Variants in CD33 observed in about 807,000 individuals in gnomAD.
CD33 encodes CD33 molecule, also known as myeloid cell surface antigen CD33.
Under a neutral mutation model 31.4 loss-of-function variants are expected in CD33, and 25 were observed. That is an observed-to-expected ratio of 0.80 (90% CI 0.58 to 1.11). The LOEUF is 1.11. Among genes scored for constraint, CD33 ranks in the 50% most tolerant of loss-of-function variants. The pLI, the probability that CD33 is intolerant of heterozygous loss-of-function variation, is 0.00. For synonymous variants in CD33, 176 were observed against 180.6 expected, an observed-to-expected ratio of 0.97 and a Z score of 0.20; for missense variants, 407 against 448.1, an observed-to-expected ratio of 0.91 and a Z score of 0.83.
intron 5 of CD33, 51 bp downstream of exon 5, chr19:51,235,304 C>A: frequency 6.5e-7 from 1 of 1,543,632 alleles, no homozygotes; most frequent in East Asian, 2.2e-5. Context: ...GAGGATGGAC[C>A]TGGTGTAGAA....
At chr19:51,216,567 G>GCTGTAATAATTTACCTTCC in the CD33 span, among the ~76,000 whole-genome samples, 1 of 151,928 alleles carries the variant, frequency 6.6e-6, no homozygotes, top group African/African-American at 2.4e-5. Flanking sequence ...AATTAGGTGG[G>GCTGTAATAATTTACCTTCC]CATGGTGGCA....
upstream of CD33, among the ~76,000 whole-genome samples, chr19:51,221,198 T>C (rs1006650215): frequency 2.0e-5 from 3 of 152,234 alleles, no homozygotes; most frequent in Non-Finnish European, 2.9e-5. Flanking sequence ...CCTGCAGAAC[T>C]GTGAGCCAAA....
rs1980926876 is a variant in CD33, at chr19:51,225,439, C to A, written c.259C>A (p.Gln87Lys). Reference sequence around the variant, plus strand: ...AGATCAAGAAGTACAGGAGGAGACTCAGGGCAGATTCCGCCTCCTTGGGGA... The same window carrying A: ...AGATCAAGAAGTACAGGAGGAGACTAAGGGCAGATTCCGCCTCCTTGGGGA... ...KLDQEVQEETQGRFRLLGDPS... is the reference protein window; with the variant it reads ...KLDQEVQEETKGRFRLLGDPS... Residue 87 changes from glutamine to lysine, a missense_variant, in exon 2 of 7, where the codon CAG (glutamine) becomes AAG (lysine). Transcript: ENST00000262262. The A allele has an allele frequency of 6.2e-7, 1 of 1,614,166 alleles. No individual in the cohort carries two copies. Among genetic ancestry groups the A allele is most frequent in the African/African-American group, 1.3e-5 (1 of 75,054 alleles).
At chr19:51,211,665 G>A in the CD33 span, 1 of 1,092,040 alleles carries the variant, frequency 9.2e-7, no homozygotes, top group Non-Finnish European at 1.3e-6. Flanking sequence ...TGGGACCCAT[G>A]TCCTGGAAGG....
chr19:51,212,762 C>T, the CD33 span, among the ~76,000 whole-genome samples: 3 of 152,152 alleles, frequency 2.0e-5, no homozygotes, highest in East Asian at 5.8e-4. Context: ...CTTAGATGCC[C>T]GTCCTCCTCC....
At chr19:51,219,461 A>T in the CD33 span, among the ~76,000 whole-genome samples, 1 of 152,184 alleles carries the variant, frequency 6.6e-6, no homozygotes, top group Non-Finnish European at 1.5e-5. Flanking sequence ...TCCTATCATC[A>T]GCAAACAGAG....
intron 4 of CD33, among the ~76,000 whole-genome samples, chr19:51,231,365 G>A (rs541583949): frequency 1.3e-5 from 2 of 152,304 alleles, no homozygotes; most frequent in East Asian, 1.9e-4. Context: ...CTTTGACTCC[G>A]CTGGACTTCG....
intron 4 of CD33, among the ~76,000 whole-genome samples, chr19:51,227,391 A>G (rs1375291154): frequency 2.0e-5 from 3 of 151,974 alleles, no homozygotes; most frequent in Non-Finnish European, 4.4e-5. Context: ...GTTAATTTTC[A>G]TCTTTTTTTT....
chr19:51,238,403 T>C (rs974724862), intron 6 of CD33: 1 of 152,086 alleles, frequency 6.6e-6, no homozygotes, highest in Non-Finnish European at 1.5e-5. Context: ...AATCGATGAA[T>C]CTACAAAGAA....
At chr19:51,213,143 G>C in the CD33 span, among the ~76,000 whole-genome samples, 6 of 152,304 alleles carry the variant, frequency 3.9e-5, no homozygotes, top group South Asian at 4.1e-4. Context: ...CCAAAAGTAA[G>C]GGGTCAAGGT....
chr19:51,229,484 T>G (rs1036512359), intron 4 of CD33, among the ~76,000 whole-genome samples: 5 of 152,150 alleles, frequency 3.3e-5, no homozygotes, highest in Non-Finnish European at 5.9e-5. Context: ...TTTTTTTCTT[T>G]AAAGGTTCAG....
Position 51,235,113 on chromosome 19 carries a change from G to A in CD33, c.746-44G>A, listed in dbSNP as rs2123295255. ...GCTGGAGAGGAGGATACACATACCT[G>A]TTTATCTAGATTAGAATTCACCCCA... On this transcript the variant is annotated intron_variant, in intron 4 of 6. Transcript: ENST00000262262. 3.3e-6 allele frequency: 5 copies of A among 1,521,094 alleles called. No homozygotes were observed. In the East Asian group the frequency reaches 1.1e-4, roughly 34 times the overall value. 94.2% of individuals were successfully genotyped at this position (1,521,094 alleles called of 1,614,324 possible).
the CD33 span, chr19:51,211,639 A>C: frequency 3.8e-6 from 5 of 1,306,416 alleles, no homozygotes; most frequent in Admixed American, 9.2e-5. Context: ...AAGGGACCTC[A>C]GGACAGGGCT....
At position 51,239,608 on chromosome 19, in the gene CD33, C is replaced by G; in HGVS notation, c.1015C>G (p.His339Asp). 7 of 1,613,866 alleles carry G rather than the reference C, an allele frequency of 4.3e-6. No homozygotes were observed. The highest frequency in any genetic ancestry group is 5.1e-6 in the Non-Finnish European group (6 of 1,179,886). ...TACTGTGGAGATGGATGAGGAGCTG[C>G]ATTATGCTTCCCTCAACTTTCATGG... ...APTVEMDEEL[H>D]YASLNFHGMN... The change falls in exon 7 of 7, where the codon CAT becomes GAT. Residue 339 changes from histidine to aspartate, a missense_variant. Coordinates refer to ENST00000262262, the MANE Select transcript of CD33 (RefSeq NM_001772.4).
intron 6 of CD33, chr19:51,236,028 G>A: frequency 1.8e-6 from 1 of 561,722 alleles, no homozygotes; most frequent in Non-Finnish European, 3.2e-6. Context: ...TGTGGTGGCT[G>A]GCGCCTGTAG....
At chr19:51,227,423 G>GTGAT (rs1415782853) in intron 4 of CD33, among the ~76,000 whole-genome samples, 1 of 152,140 alleles carries the variant, frequency 6.6e-6, no homozygotes, top group Non-Finnish European at 1.5e-5. Flanking sequence ...CCCAACTGGG[G>GTGAT]TGATGTTACC....
chr19:51,214,201 CTT>C, the CD33 span, among the ~76,000 whole-genome samples: 13 of 98,044 alleles, frequency 1.3e-4, no homozygotes, highest in Non-Finnish European at 2.1e-4. Context: ...TCTTTTCTTT[CTT>C]TTTTTTTTTT....
rs753513352 is a variant in CD33 at position 51,225,398 on chromosome 19, T to G, written c.218T>G (p.Val73Gly). The change falls in exon 2 of 7, where the codon GTG becomes GGG. Residue 73 changes from valine to glycine, a missense_variant. Transcript: ENST00000262262. ...GCCATTATATCCAGGGACTCTCCAG[T>G]GGCCACAAACAAGCTAGATCAAGAA... ...EGAIISRDSP[V>G]ATNKLDQEVQ... is the part of the protein sequence containing the mutation. 1.2e-6 allele frequency: 2 copies of G among 1,614,044 alleles called. No homozygotes were observed. Among genetic ancestry groups the G allele is most frequent in the Admixed American group, 3.3e-5 (2 of 60,008 alleles).
Position 51,225,216 on chromosome 19 carries a change from AG to A in CD33, c.40del. 1 of 1,613,276 alleles carries A rather than the reference AG, an allele frequency of 6.2e-7. No individual in the cohort carries two copies. Among genetic ancestry groups the A allele is most frequent in the Non-Finnish European group, 8.5e-7 (1 of 1,179,478 alleles). On this transcript the variant is annotated splice_acceptor_variant, in intron 1 of 6. Transcript: ENST00000262262. LOFTEE classifies it high-confidence loss of function. ...GCCGAGCTGACCCTCGTTTCCCCAC[AG>A]GGGCCCTGGCTATGGATCCAAATTT...
Sources: gnomAD v4.1 joint callset for allele counts (sites outside exome capture counted in the v4.1 genomes callset) on GRCh38, gnomAD v4.1.1 for gene constraint, MANE v1.5 for transcripts, NCBI Gene and HGNC (gene_info 2026-07-23, HGNC 2026-07-21) for gene names.